DLG2: variants seen among roughly 807,000 people sequenced by gnomAD.
DLG2 encodes disks large homolog 2.
A neutral mutation model predicts 132.5 loss-of-function variants in DLG2; 45 were observed. The observed-to-expected ratio is 0.34, with a 90% confidence interval of 0.27 to 0.44. The LOEUF (loss-of-function observed/expected upper bound fraction) is 0.44. DLG2 is among the 20% of genes least tolerant of loss of function. DLG2 has a pLI of 1.00. For synonymous variants in DLG2, 424 were observed against 419.6 expected (o/e 1.01, Z -0.13); for missense variants, 1,045 against 1,196.9 (o/e 0.87, Z 1.87).
chr11:83,741,270 T>C lies in DLG2; in HGVS notation c.1825+45420A>G, dbSNP rs539870686. 1.1e-4 allele frequency among the ~76,000 whole-genome samples: 16 copies of C among 152,092 alleles called. No individual in the cohort carries two copies. In the South Asian group the frequency reaches 3.3e-3, roughly 32 times the overall value. ...AGACAAGGATGCCCACTCTCACCAC[T>C]CCTATTCAACATAGTACTGGAAGTT... On this transcript the variant is annotated intron_variant, in intron 18 of 27. Transcript: ENST00000376104.
intron 19 of DLG2, among the ~76,000 whole-genome samples, chr11:83,558,771 T>C (rs2096562010): frequency 6.6e-6 from 1 of 152,134 alleles, no homozygotes; most frequent in Non-Finnish European, 1.5e-5. Context: ...TTAAAGCTTC[T>C]ACTTTCATGT....
At chr11:83,952,604 C>T (rs990362774) in intron 14 of DLG2, among the ~76,000 whole-genome samples, 12 of 152,202 alleles carry the variant, frequency 7.9e-5, no homozygotes, top group Middle Eastern at 3.4e-3. Flanking sequence ...TTCAGTTATA[C>T]GATAGGCTAT....
intron 18 of DLG2, among the ~76,000 whole-genome samples, chr11:83,644,919 A>G (rs1337791697): frequency 1.3e-5 from 2 of 152,096 alleles, no homozygotes; most frequent in East Asian, 1.9e-4. Flanking sequence ...CCTCTAAAAC[A>G]AAGATATTAC....
chr11:84,625,122 AGTGCTGGGATTACAGGC>A (rs2099620455), intron 6 of DLG2, among the ~76,000 whole-genome samples: 1 of 151,676 alleles, frequency 6.6e-6, no homozygotes, highest in Non-Finnish European at 1.5e-5. Context: ...GGCCTCCCAA[AGTGCTGGGATTACAGGC>A]GTGAGCCACC....
At chr11:83,921,695 T>C (rs756250951) in intron 15 of DLG2, among the ~76,000 whole-genome samples, 2 of 152,176 alleles carry the variant, frequency 1.3e-5, no homozygotes, top group Non-Finnish European at 2.9e-5. Flanking sequence ...GGAATGCTTT[T>C]GAAGCTGTGC....
chr11:85,096,954 G>C (rs1399046270), intron 6 of DLG2, among the ~76,000 whole-genome samples: 1 of 151,936 alleles, frequency 6.6e-6, no homozygotes, highest in Non-Finnish European at 1.5e-5. Flanking sequence ...CTGAGCCAAG[G>C]GTCGACAAAG....
At chr11:84,338,373 G>A (rs886627792) in intron 7 of DLG2, among the ~76,000 whole-genome samples, 2 of 152,084 alleles carry the variant, frequency 1.3e-5, no homozygotes, top group African/African-American at 2.4e-5. Flanking sequence ...CTAAAACTTA[G>A]CTTAATATTT....
intron 14 of DLG2, among the ~76,000 whole-genome samples, chr11:83,942,295 A>T (rs2082835219): frequency 6.6e-6 from 1 of 152,202 alleles, no homozygotes; most frequent in South Asian, 2.1e-4. Flanking sequence ...ATTTGATGAC[A>T]TATAAAGATA....
chr11:83,826,175 A>T (rs1239751388), intron 17 of DLG2, among the ~76,000 whole-genome samples: 3 of 152,214 alleles, frequency 2.0e-5, no homozygotes, highest in African/African-American at 4.8e-5. Context: ...GGAAGTCTGT[A>T]TGTGATGGGT....
intron 8 of DLG2, among the ~76,000 whole-genome samples, chr11:84,208,558 G>T (rs1477027068): frequency 6.6e-6 from 1 of 152,074 alleles, no homozygotes. Flanking sequence ...TAGCCAGGCT[G>T]GTCTCGAACT....
chr11:83,513,960 C>T (rs1258493518), intron 21 of DLG2, among the ~76,000 whole-genome samples: 4 of 152,078 alleles, frequency 2.6e-5, no homozygotes, highest in African/African-American at 4.8e-5. Flanking sequence ...AGTCAGGTAG[C>T]GTGATACCTC....
At chr11:84,856,119 C>T (rs1356293556) in intron 6 of DLG2, among the ~76,000 whole-genome samples, 1 of 152,070 alleles carries the variant, frequency 6.6e-6, no homozygotes, top group Non-Finnish European at 1.5e-5. Flanking sequence ...GTCATTTATG[C>T]TTAACTAAAA....
intron 18 of DLG2, among the ~76,000 whole-genome samples, chr11:83,784,458 T>C (rs919866083): frequency 9.2e-5 from 14 of 152,356 alleles, no homozygotes; most frequent in Middle Eastern, 6.8e-3. Flanking sequence ...CAGATTAGTA[T>C]ACAGTTAGGC....
chr11:84,746,525 C>T (rs1597190652), intron 6 of DLG2, among the ~76,000 whole-genome samples: 1 of 151,114 alleles, frequency 6.6e-6, no homozygotes, highest in East Asian at 2.0e-4. Context: ...TAGCCTTAGA[C>T]AAGTCACTTA....
At chr11:85,003,835 T>G (rs1217723418) in intron 6 of DLG2, among the ~76,000 whole-genome samples, 1 of 152,176 alleles carries the variant, frequency 6.6e-6, no homozygotes, top group Non-Finnish European at 1.5e-5. Flanking sequence ...ACCTGTCATC[T>G]ACATTTGGTT....
intron 3 of DLG2, among the ~76,000 whole-genome samples, chr11:85,572,877 G>A (rs1029683298): frequency 9.9e-5 from 15 of 152,162 alleles, no homozygotes; most frequent in African/African-American, 9.7e-5. Context: ...CAAAGCTCAC[G>A]TTAAACTGTA....
intron 11 of DLG2, among the ~76,000 whole-genome samples, chr11:84,017,256 C>T (rs2095235915): frequency 6.6e-6 from 1 of 151,890 alleles, no homozygotes; most frequent in Non-Finnish European, 1.5e-5. Context: ...TTGAATAATG[C>T]ATTACATAAT....
chr11:85,003,745 A>C (rs1032807275), intron 6 of DLG2, among the ~76,000 whole-genome samples: 3 of 152,122 alleles, frequency 2.0e-5, no homozygotes, highest in Non-Finnish European at 2.9e-5. Flanking sequence ...ATTATACTTT[A>C]AGTTCTGGGA....
chr11:85,616,992 C>T (rs548226994), intron 2 of DLG2, among the ~76,000 whole-genome samples: 11 of 152,282 alleles, frequency 7.2e-5, no homozygotes, highest in African/African-American at 2.6e-4. Flanking sequence ...GAAGACACTC[C>T]CATTCCAGGC....
Sources: allele counts gnomAD v4.1 joint callset (sites outside exome capture counted in the v4.1 genomes callset), GRCh38; gene constraint gnomAD v4.1.1; transcripts MANE v1.5; gene names NCBI Gene and HGNC (gene_info 2026-07-23, HGNC 2026-07-21).